The following ETFDH variants were observed in gnomAD, a reference collection of about 807,000 sequenced individuals.
ETFDH encodes the protein electron transfer flavoprotein dehydrogenase.
Under a neutral mutation model 73.2 loss-of-function variants are expected in ETFDH, and 61 were observed. The ratio of observed to expected loss-of-function variants is 0.83; its 90% confidence interval spans 0.68 to 1.03. The LOEUF (loss-of-function observed/expected upper bound fraction) is 1.03. Ranked by LOEUF, ETFDH falls within the 50% of genes least tolerant of loss-of-function variation. The pLI is 0.00. For missense variants in ETFDH, 685 were observed against 745.0 expected (o/e 0.92, Z 0.94); for synonymous variants, 243 against 253.3 (o/e 0.96, Z 0.39).
At chr4:158,688,647 T>C (rs1468838914) in intron 5 of ETFDH, among the ~76,000 whole-genome samples, 3 of 152,050 alleles carry the variant, frequency 2.0e-5, no homozygotes. Flanking sequence ...CACTCCAGCC[T>C]GGGTGACAGA....
intron 10 of ETFDH, among the ~76,000 whole-genome samples, 153 bp downstream of exon 10, chr4:158,703,744 T>C (rs989443364): frequency 1.3e-5 from 2 of 152,238 alleles, no homozygotes; most frequent in African/African-American, 4.8e-5. Context: ...TTCTCAATAA[T>C]TACAGTCAGT....
At chr4:158,688,476 G>A (rs996775650) in intron 5 of ETFDH, among the ~76,000 whole-genome samples, 1 of 150,662 alleles carries the variant, frequency 6.6e-6, no homozygotes, top group African/African-American at 2.4e-5. Context: ...ACGAGGTCAG[G>A]AGATCGAGAC....
chr4:158,700,349 A>G (rs567894970), intron 9 of ETFDH, among the ~76,000 whole-genome samples: 1 of 152,272 alleles, frequency 6.6e-6, no homozygotes, highest in African/African-American at 2.4e-5. Flanking sequence ...ATTGAATTAC[A>G]TAACTGTATT....
At chr4:158,687,563 A>T (rs76229516) in intron 5 of ETFDH, among the ~76,000 whole-genome samples, 1,765 of 151,716 alleles carry the variant, frequency 0.012, 27 homozygotes, top group African/African-American at 0.038. Context: ...TCTGAATGGA[A>T]CCTCTTCTTA....
intron 1 of ETFDH, among the ~76,000 whole-genome samples, chr4:158,674,460 C>T (rs1049087630): frequency 6.6e-6 from 1 of 152,056 alleles, no homozygotes; most frequent in African/African-American, 2.4e-5. Flanking sequence ...TGCCCACCAC[C>T]ATGCCTAATT....
At chr4:158,693,688 G>A (rs1220282127) in intron 6 of ETFDH, among the ~76,000 whole-genome samples, 1 of 151,984 alleles carries the variant, frequency 6.6e-6, no homozygotes, top group Admixed American at 6.6e-5. Flanking sequence ...AACAATTTTG[G>A]TGTAGGGTAA....
chr4:158,689,323 C>G (rs1774094238), intron 5 of ETFDH, among the ~76,000 whole-genome samples: 1 of 151,946 alleles, frequency 6.6e-6, no homozygotes, highest in Admixed American at 6.6e-5. Context: ...TTTTGCATTT[C>G]TCCTTGTTAA....
chr4:158,697,601 G>A lies in ETFDH; in HGVS notation c.874G>A (p.Asp292Asn), dbSNP rs777356592. 6.2e-7 allele frequency: 1 copy of A among 1,611,344 alleles called. No individual in the cohort carries two copies. Among genetic ancestry groups the A allele is most frequent in the Non-Finnish European group, 8.5e-7 (1 of 1,177,984 alleles). ...AAAGAACTGGAAACCTGGGAGAGTA[G>A]ATCACACTGTTGGTTGGCCCTTGGA... is the stretch of plus-strand genomic sequence containing the variant. ...DEKNWKPGRV[D>N]HTVGWPLDRH... Residue 292 changes from aspartate (D) to asparagine (N), a missense_variant, in exon 8 of 13, where the codon GAT becomes AAT. Asp to Asn is a conservative substitution (Grantham distance 23, BLOSUM62 1). Coordinates refer to ENST00000511912, the MANE Select transcript of ETFDH (RefSeq NM_004453.4).
intron 7 of ETFDH, among the ~76,000 whole-genome samples, chr4:158,696,632 CAT>C (rs1774315057): frequency 6.6e-6 from 1 of 152,056 alleles, no homozygotes; most frequent in Admixed American, 6.6e-5. Context: ...TGATAGATTG[CAT>C]ATGTCTGATT....
intron 1 of ETFDH, among the ~76,000 whole-genome samples, chr4:158,675,899 C>T (rs1206304414): frequency 1.3e-5 from 2 of 152,096 alleles, no homozygotes; most frequent in Non-Finnish European, 1.5e-5. Flanking sequence ...TTTTGAGGAA[C>T]TGCCAGACTG....
chr4:158,693,240 G>A (rs1198594197), intron 6 of ETFDH, among the ~76,000 whole-genome samples: 2 of 152,190 alleles, frequency 1.3e-5, no homozygotes, highest in Non-Finnish European at 2.9e-5. Flanking sequence ...CTAGTGGGTA[G>A]CACTTGACAC....
Position 158,690,393 on chromosome 4 carries a change from G to A in ETFDH, c.652G>A (p.Asp218Asn), listed in dbSNP as rs748289922. The A allele has an allele frequency of 5.6e-6, 9 of 1,603,446 alleles. No homozygotes were observed. The highest frequency in any genetic ancestry group is 7.7e-6 in the Non-Finnish European group (9 of 1,170,560). ...TAGTGTAAAAGGAATTGCCACTAAC[G>A]ATGTAGGGATACAAAAGGATGGTGC... The part of the protein sequence containing the change: ...DGSVKGIATN[D>N]VGIQKDGAPK... Residue 218 changes from aspartate to asparagine, a missense_variant, in exon 6 of 13, where the codon GAT becomes AAT. Coordinates refer to ENST00000511912, the MANE Select transcript of ETFDH (RefSeq NM_004453.4).
At chr4:158,690,180 G>A (rs533867695) in intron 5 of ETFDH, among the ~76,000 whole-genome samples, 168 bp from the exon 6 acceptor site, 1 of 152,186 alleles carries the variant, frequency 6.6e-6, no homozygotes, top group East Asian at 1.9e-4. Context: ...TACTCTGGAA[G>A]GGAGTACCTT....
intron 5 of ETFDH, among the ~76,000 whole-genome samples, chr4:158,686,948 C>A (rs1393858564): frequency 6.6e-6 from 1 of 152,122 alleles, no homozygotes; most frequent in Non-Finnish European, 1.5e-5. Flanking sequence ...AGAGTGATGA[C>A]CCTGCCACAC....
At chr4:158,705,808 C>T (rs1003225407) in intron 10 of ETFDH, among the ~76,000 whole-genome samples, 8 of 152,156 alleles carry the variant, frequency 5.3e-5, no homozygotes, top group Admixed American at 3.9e-4. Context: ...CAGCCAGGTG[C>T]GGTGGCTCAT....
intron 9 of ETFDH, among the ~76,000 whole-genome samples, chr4:158,700,098 C>T (rs11737481): frequency 0.57 from 86,986 of 151,982 alleles, 28,943 homozygotes; most frequent in East Asian, 0.82. Context: ...TTTTTAAAAA[C>T]TTATTATAAA....
chr4:158,682,623 T>G (rs898878649), intron 3 of ETFDH, among the ~76,000 whole-genome samples, 199 bp downstream of exon 3: 5 of 151,812 alleles, frequency 3.3e-5, no homozygotes, highest in Admixed American at 3.3e-4. Flanking sequence ...AACCTCCACC[T>G]CCCAGGTTCA....
Position 158,699,004 on chromosome 4 carries a change from G to C in ETFDH, c.990G>C (p.Gln330His), listed in dbSNP as rs757991494. 6.2e-7 allele frequency: 1 copy of C among 1,607,944 alleles called. No homozygotes were observed. The highest frequency in any genetic ancestry group is 8.5e-7 in the Non-Finnish European group (1 of 1,174,460). Residue 330 changes from glutamine to histidine, a missense_variant, in exon 9 of 13, where the codon CAG becomes CAC. Gln to His is a conservative substitution (Grantham distance 24). Around this residue, in one of 3 missense-constraint regions of ETFDH, gnomAD observed 405 missense variants for 399.3 expected, o/e 1.01. Coordinates refer to ENST00000511912, the MANE Select transcript of ETFDH (RefSeq NM_004453.4). ...ALGLVVGLDY[Q>H]NPYLSPFREF... is the part of the protein sequence containing the mutation. Reference sequence around the variant, plus strand: ...TTTTTAAGGTTGGTCTAGACTATCAGAATCCATACCTGAGTCCATTTAGAG... The same window carrying C: ...TTTTTAAGGTTGGTCTAGACTATCACAATCCATACCTGAGTCCATTTAGAG...
chr4:158,680,782 G>A (rs1029017806), intron 2 of ETFDH, among the ~76,000 whole-genome samples, 175 bp downstream of exon 2: 2 of 152,128 alleles, frequency 1.3e-5, no homozygotes, highest in African/African-American at 4.8e-5. Flanking sequence ...AATTATAATG[G>A]TAATCCCTTG....
Sources: gnomAD v4.1 joint callset for allele counts (sites outside exome capture counted in the v4.1 genomes callset) on GRCh38, gnomAD v4.1.1 for gene constraint, gnomAD v4.1.1 regional missense constraint, MANE v1.5 for transcripts, NCBI Gene and HGNC (gene_info 2026-07-23, HGNC 2026-07-21) for gene names.